The following MIOS variants were observed in gnomAD, a reference collection of about 807,000 sequenced individuals.
The protein encoded by MIOS is meiosis regulator for oocyte development.
In MIOS, 52 loss-of-function variants were observed where a neutral mutation model predicts 96.9. The ratio of observed to expected loss-of-function variants is 0.54; its 90% CI spans 0.43 to 0.68. The LOEUF is 0.68. Ranked by LOEUF, MIOS falls within the 30% of genes least tolerant of loss-of-function variation. MIOS has a pLI of 0.00. For missense variants in MIOS, 1,005 were observed against 1,052.8 expected, an observed-to-expected ratio of 0.95 and a Z score of 0.63; for synonymous variants, 397 against 359.5, an observed-to-expected ratio of 1.10 and a Z score of -1.18.
chr7:7,602,128 C>G (rs1175176929), intron 11 of MIOS, among the ~76,000 whole-genome samples: 1 of 152,084 alleles, frequency 6.6e-6, no homozygotes, highest in Non-Finnish European at 1.5e-5. Context: ...ACTGAATGGA[C>G]AAAAAACTGG....
chr7:7,603,860 C>T (rs1207336897), intron 11 of MIOS, among the ~76,000 whole-genome samples: 3 of 151,754 alleles, frequency 2.0e-5, no homozygotes, highest in Admixed American at 6.6e-5. Context: ...GGCACATATA[C>T]ACCATGGAAT....
rs1256901833 is a variant in MIOS, at chr7:7,574,210, A to G, written c.1393+14A>G. On this transcript the variant is annotated intron_variant, in intron 5 of 12. Transcript: ENST00000340080. ...AGTCATCGTTGGGTAAGAAAATTCT[A>G]TTTCATTTTCTCCAATATGTTTATA... 5.1e-6 allele frequency: 8 copies of G among 1,564,730 alleles called. No homozygotes were observed. Among genetic ancestry groups the G allele is most frequent in the East Asian group, 2.3e-5 (1 of 44,234 alleles).
At position 7,572,344 on chromosome 7, in the gene MIOS, T is replaced by G; in HGVS notation, c.-40-92T>G. The stretch of plus-strand genomic sequence containing the variant: ...TATATTGAAAAAGAGGGTTCTTGAA[T>G]AGAGAATTTTCTGACTTTCTGAATA... On this transcript the variant is annotated intron_variant, in intron 3 of 12. Transcript: ENST00000340080. The surrounding 1 kb of genome is among the most constrained non-coding windows in gnomAD (Gnocchi z 4.8). The G allele has an allele frequency of 1.7e-6, 1 of 586,784 alleles. No homozygotes were observed. Among genetic ancestry groups the G allele is most frequent in the South Asian group, 3.6e-5 (1 of 28,104 alleles). The allele number at this position is 586,784 out of a possible 1,614,324, so 36.3% of individuals were successfully genotyped here. A position where few individuals can be genotyped will look rare whatever the true frequency, so the allele number is the denominator to read the frequency against.
rs1392556393 is a variant in MIOS, at chr7:7,596,419, C to T, written c.2359C>T (p.Leu787Phe). The T allele has an allele frequency of 6.2e-7, 1 of 1,614,100 alleles. No homozygotes were observed. The highest frequency in any genetic ancestry group is 1.3e-5 in the African/African-American group (1 of 75,030). ...TCGAAAACCACTTCCTCGATGTGCG[C>T]TTTGTCTCATTAATATGGGAACACC... The part of the protein sequence containing the change: ...GCRKPLPRCA[L>F]CLINMGTPVS... The change falls in exon 11 of 13, where the codon CTT becomes TTT. Residue 787 changes from leucine to phenylalanine, a missense_variant. This residue lies in a region of MIOS where 865 missense variants were observed against 887.9 expected (regional missense o/e 0.97). Transcript: ENST00000340080.
At chr7:7,596,042 T>TAGTAAGAA (rs1184508699) in intron 10 of MIOS, among the ~76,000 whole-genome samples, 1 of 152,172 alleles carries the variant, frequency 6.6e-6, no homozygotes, top group Admixed American at 6.5e-5. Flanking sequence ...TCAGTGGTAT[T>TAGTAAGAA]AGTAAGAATA....
At chr7:7,581,180 G>A (rs970989045) in intron 5 of MIOS, among the ~76,000 whole-genome samples, 1 of 151,270 alleles carries the variant, frequency 6.6e-6, no homozygotes, top group African/African-American at 2.4e-5. Flanking sequence ...AAATTAGCCG[G>A]GTGTGGTGGT....
intron 5 of MIOS, among the ~76,000 whole-genome samples, chr7:7,580,908 A>T (rs1467934920): frequency 1.3e-5 from 2 of 149,280 alleles, no homozygotes; most frequent in African/African-American, 4.9e-5. Context: ...GCTGTTCTCG[A>T]ACTCCCGACC....
rs919845620 is a variant in MIOS, at chr7:7,603,843, A to C, written c.2402-2099A>C. Among the ~76,000 whole-genome samples the C allele has an allele frequency of 1.1e-3, 168 of 152,146 alleles. 1 individual carries two copies. Among genetic ancestry groups the C allele is most frequent in the South Asian group, 4.6e-3 (22 of 4,804 alleles). The stretch of plus-strand genomic sequence containing the variant: ...TCCAACAATGATAGACTGGATTAAG[A>C]AAATGTGGCACATATACACCATGGA... On this transcript the variant is annotated intron_variant, in intron 11 of 12. Coordinates refer to ENST00000340080, the MANE Select transcript of MIOS (RefSeq NM_019005.4).
At chr7:7,568,410 T>C (rs191763969) in intron 3 of MIOS, among the ~76,000 whole-genome samples, 1 of 152,292 alleles carries the variant, frequency 6.6e-6, no homozygotes, top group Non-Finnish European at 1.5e-5. Flanking sequence ...CTCTAGATTG[T>C]TTTCTTTACA....
In MIOS at chr7:7,608,329, AAAAC is replaced by A. The variant is rs1488773051; in HGVS notation, c.*1240_*1243del. 1 of 151,604 alleles carries A rather than the reference AAAAC, an allele frequency of 6.6e-6. No individual in the cohort carries two copies. Among genetic ancestry groups the A allele is most frequent in the Non-Finnish European group, 1.5e-5 (1 of 67,708 alleles). The allele number at this position is 151,604 out of a possible 1,614,324, so 9.4% of individuals were successfully genotyped here. The stretch of plus-strand genomic sequence containing the variant: ...CTTATTTTATAGATTTTGGAGAAAT[AAAAC>A]AAGAATTTTAAGAGCTTTCGTATTA... On this transcript the variant is annotated 3_prime_UTR_variant, in exon 13 of 13. Coordinates refer to ENST00000340080, the MANE Select transcript of MIOS (RefSeq NM_019005.4).
At chr7:7,584,406 A>G (rs1039704531) in intron 6 of MIOS, among the ~76,000 whole-genome samples, 1 of 152,136 alleles carries the variant, frequency 6.6e-6, no homozygotes, top group African/African-American at 2.4e-5. Flanking sequence ...GTCGATTTAA[A>G]CACCCATACT....
chr7:7,597,477 T>TAAATATAC (rs1440372158), intron 11 of MIOS, among the ~76,000 whole-genome samples: 1 of 27,636 alleles, frequency 3.6e-5, no homozygotes, highest in Non-Finnish European at 6.8e-5. Flanking sequence ...TTTATATATA[T>TAAATATAC]ATATATATAT....
At position 7,596,158 on chromosome 7, in the gene MIOS, T is replaced by A. The variant is rs548494653; in HGVS notation, c.2197-99T>A. 57 of 1,041,704 alleles carry A rather than the reference T, an allele frequency of 5.5e-5. No homozygotes were observed. The South Asian group carries it at 9.4e-4, about 17-fold the overall frequency. The allele number at this position is 1,041,704 out of a possible 1,614,324, so 64.5% of individuals were successfully genotyped here. Reference sequence around the variant, plus strand: ...TTTTGAAATATAAAATAAAGTTTTTTAAAAGTATTTAAAAATAATTTGTTA... The same window carrying A: ...TTTTGAAATATAAAATAAAGTTTTTAAAAAGTATTTAAAAATAATTTGTTA... On this transcript the variant is annotated intron_variant, in intron 10 of 12. Transcript: ENST00000340080.
At chr7:7,588,597 T>A in intron 8 of MIOS, 34 bp downstream of exon 8, 1 of 1,405,584 alleles carries the variant, frequency 7.1e-7, no homozygotes, top group East Asian at 2.3e-5. Flanking sequence ...TTTGAAGTAA[T>A]TAATATGTAC....
Position 7,573,749 on chromosome 7 carries a change from C to A in MIOS, c.1274C>A (p.Ser425Ter). ...LAGNEDPQLK[S>*]LWYTLHFMKQ... ...GGAAATGAAGATCCACAGCTCAAGT[C>A]ACTCTGGTATACTCTGCACTATATC... Residue 425 changes from serine to a stop codon, truncating the protein, a stop_gained, in exon 4 of 13, where the codon TCA (serine) becomes TAA (stop). Transcript: ENST00000340080. LOFTEE classifies it high-confidence loss of function. The surrounding 1 kb of genome is among the most constrained non-coding windows in gnomAD (Gnocchi z 5.0). 1 of 1,609,026 alleles carries A rather than the reference C, an allele frequency of 6.2e-7. No homozygotes were observed. The highest frequency in any genetic ancestry group is 8.5e-7 in the Non-Finnish European group (1 of 1,177,208).
At position 7,575,879 on chromosome 7, in the gene MIOS, CT is replaced by C. The variant is rs1383226318; in HGVS notation, c.1393+1695del. Among the ~76,000 whole-genome samples the C allele has an allele frequency of 4.0e-3, 578 of 142,842 alleles. 1 individual carries two copies. The highest frequency in any genetic ancestry group is 9.5e-3 in the African/African-American group (375 of 39,450). The allele number at this position is 142,842 out of a possible 152,430, so 93.7% of individuals were successfully genotyped here. A position where few individuals can be genotyped will look rare whatever the true frequency, so the allele number is the denominator to read the frequency against. On this transcript the variant is annotated intron_variant, in intron 5 of 12. Coordinates refer to ENST00000340080, the MANE Select transcript of MIOS (RefSeq NM_019005.4). The stretch of plus-strand genomic sequence containing the variant: ...CATTCTCTCATTGCTAGGTTTTCAG[CT>C]TTTTTTTTTTTGTTTGGTATAGATA...
chr7:7,605,520 C>G (rs1784504019), intron 11 of MIOS: 2 of 155,592 alleles, frequency 1.3e-5, no homozygotes, highest in Admixed American at 1.3e-4. Context: ...GTCGTGAACT[C>G]CTAGCCTCAA....
chr7:7,604,482 A>C (rs1784470364), intron 11 of MIOS, among the ~76,000 whole-genome samples: 1 of 152,166 alleles, frequency 6.6e-6, no homozygotes, highest in Admixed American at 6.5e-5. Context: ...CTATTGTTCC[A>C]AGTGCTAGAA....
At chr7:7,594,542 A>G (rs528178341) in intron 9 of MIOS, among the ~76,000 whole-genome samples, 2 of 152,208 alleles carry the variant, frequency 1.3e-5, no homozygotes, top group South Asian at 4.1e-4. Context: ...TGATCCGCCT[A>G]CCTCGGCCTT....
Sources: gnomAD v4.1 joint callset for allele counts (sites outside exome capture counted in the v4.1 genomes callset) on GRCh38, gnomAD v4.1.1 for gene constraint, gnomAD v4.1.1 regional missense constraint, Gnocchi (gnomAD v3.1) non-coding constraint, MANE v1.5 for transcripts, NCBI Gene and HGNC (gene_info 2026-07-23, HGNC 2026-07-21) for gene names.